MADD: variants seen among roughly 807,000 people sequenced by gnomAD.
The protein encoded by MADD is MAP kinase activating death domain, also known as MAP kinase-activating death domain protein.
A neutral mutation model predicts 176.7 loss-of-function variants in MADD; 109 were observed. The ratio of observed to expected loss-of-function variants is 0.62; its 90% CI spans 0.53 to 0.72. The LOEUF (loss-of-function observed/expected upper bound fraction) is 0.72, where lower values mean the gene tolerates loss of function less well. MADD is among the 30% of genes least tolerant of loss of function. The probability of loss-of-function intolerance (pLI) is 0.00; values close to 1 mark genes in which losing one functional copy is unlikely to be tolerated. For synonymous variants in MADD, 771 were observed against 771.3 expected, an observed-to-expected ratio of 1.00 and a Z score of 0.01; for missense variants, 1,914 against 2,045.5, an observed-to-expected ratio of 0.94 and a Z score of 1.24.
At chr11:47,317,754 A>C (rs1319803611) in intron 27 of MADD, among the ~76,000 whole-genome samples, 1 of 151,202 alleles carries the variant, frequency 6.6e-6, no homozygotes, top group South Asian at 2.1e-4. Context: ...GACACACATA[A>C]ATTTTTTATT....
At chr11:47,286,838 G>A (rs768716189) in intron 15 of MADD, among the ~76,000 whole-genome samples, 10 of 152,178 alleles carry the variant, frequency 6.6e-5, no homozygotes, top group Non-Finnish European at 1.5e-4. Context: ...GCCCCCAGTC[G>A]TCTGCTGGGT....
chr11:47,328,217 G>C (rs912074038), intron 31 of MADD: 6 of 1,069,568 alleles, frequency 5.6e-6, no homozygotes, highest in Non-Finnish European at 6.8e-6. Flanking sequence ...CCAATTTTCA[G>C]GCTGGTGACG....
chr11:47,324,681 TGG>T, intron 30 of MADD, 104 bp downstream of exon 33: 1 of 802,512 alleles, frequency 1.2e-6, no homozygotes, highest in Non-Finnish European at 2.1e-6. Flanking sequence ...GAGGGCCCTC[TGG>T]AGCTAGAGGG....
At chr11:47,273,795 G>T in intron 1 of MADD, 32 bp from the exon 2 acceptor site, 1 of 807,064 alleles carries the variant, frequency 1.2e-6, no homozygotes. Flanking sequence ...AGGCACAGCA[G>T]TGGATCTTAT....
chr11:47,300,954 T>C (rs747558894), intron 22 of MADD, among the ~76,000 whole-genome samples: 104 of 152,230 alleles, frequency 6.8e-4, no homozygotes, highest in Non-Finnish European at 9.3e-4. Flanking sequence ...TTTTTTGTTT[T>C]TCTGTGATGT....
rs572308111 is a variant in MADD, at chr11:47,296,138, C to T, written c.3642+83C>T. ...CAAGAAAAGAATGAAAGTTAAGAGA[C>T]GCTAAAGAGGTAAAGGTTAAATAAG... is the stretch of plus-strand genomic sequence containing the variant. On this transcript the variant is annotated intron_variant, in intron 22 of 32. Coordinates refer to ENST00000402192, the Ensembl canonical transcript of MADD. The T allele has an allele frequency of 9.7e-5, 143 of 1,473,984 alleles. No homozygotes were observed. The African/African-American group carries it at 1.3e-3, about 14-fold the overall frequency. The allele number at this position is 1,473,984 out of a possible 1,614,324, so 91.3% of individuals were successfully genotyped here. A position where few individuals can be genotyped will look rare whatever the true frequency, so the allele number is the denominator to read the frequency against.
chr11:47,283,697 G>A (rs1025753289), intron 10 of MADD, among the ~76,000 whole-genome samples: 19 of 152,162 alleles, frequency 1.2e-4, no homozygotes, highest in Admixed American at 9.8e-4. Context: ...CCAGCCACCC[G>A]AGTAGCTGGG....
intron 27 of MADD, among the ~76,000 whole-genome samples, chr11:47,321,415 C>T (rs1359132862): frequency 1.3e-5 from 2 of 152,292 alleles, no homozygotes; most frequent in South Asian, 4.1e-4. Flanking sequence ...GTGTTCCTTA[C>T]TCACTCACCT....
At chr11:47,283,978 G>A (rs981619124) in intron 10 of MADD, among the ~76,000 whole-genome samples, 200 bp from the exon 11 acceptor site, 2 of 152,240 alleles carry the variant, frequency 1.3e-5, no homozygotes, top group African/African-American at 4.8e-5. Flanking sequence ...AAAGTGCTTG[G>A]ATTACAGGCA....
intron 31 of MADD, chr11:47,327,727 C>T (rs540288468): frequency 1.8e-5 from 18 of 985,454 alleles, no homozygotes; most frequent in African/African-American, 7.0e-5. Flanking sequence ...AGTTTATTCC[C>T]TGCTGACCCT....
In MADD at chr11:47,296,074, C is replaced by G. The variant is rs1565422468; in HGVS notation, c.3642+19C>G. ...CATCTTTGTAAGCTTTGTTTATTAACAAAAGAAAACCATTTCTTTAATGGG... is the reference window on the plus strand; with the variant it reads ...CATCTTTGTAAGCTTTGTTTATTAAGAAAAGAAAACCATTTCTTTAATGGG... On this transcript the variant is annotated intron_variant, in intron 22 of 32. Coordinates refer to ENST00000402192, the Ensembl canonical transcript of MADD. 1 of 1,605,642 alleles carries G rather than the reference C, an allele frequency of 6.2e-7. No homozygotes were observed. Among genetic ancestry groups the G allele is most frequent in the South Asian group, 1.1e-5 (1 of 90,322 alleles).
intron 18 of MADD, 130 bp downstream of exon 19, chr11:47,290,429 A>AT: frequency 3.0e-6 from 4 of 1,334,518 alleles, no homozygotes; most frequent in Non-Finnish European, 4.1e-6. Flanking sequence ...TTGGGATTTT[A>AT]TTTTCTAATG....
At position 47,315,334 on chromosome 11, in the gene MADD, G is replaced by T. The variant is rs1192284236; in HGVS notation, c.4197+7G>T. On this transcript the variant is annotated splice_region_variant and intron_variant, in intron 27 of 32. Coordinates refer to ENST00000402192, the Ensembl canonical transcript of MADD. ...AGATATCTTTTTCATGGAGGTAGGT[G>T]CTGGTTCATGCTGGGGGCCCAAAGG... 1 of 1,559,524 alleles carries T rather than the reference G, an allele frequency of 6.4e-7. No homozygotes were observed. The highest frequency in any genetic ancestry group is 8.8e-7 in the Non-Finnish European group (1 of 1,130,784).
chr11:47,310,970 A>T (rs2088516931), intron 25 of MADD, among the ~76,000 whole-genome samples: 1 of 152,010 alleles, frequency 6.6e-6, no homozygotes, highest in Admixed American at 6.6e-5. Context: ...TATATCTTAC[A>T]GAATTTTCTA....
At chr11:47,318,690 G>T (rs1227243161) in intron 27 of MADD, among the ~76,000 whole-genome samples, 1 of 151,906 alleles carries the variant, frequency 6.6e-6, no homozygotes, top group African/African-American at 2.4e-5. Context: ...GTGCACCATG[G>T]TCACTGTGCC....
intron 8 of MADD, among the ~76,000 whole-genome samples, chr11:47,281,975 C>T (rs1164781573): frequency 2.0e-5 from 3 of 150,750 alleles, no homozygotes; most frequent in South Asian, 4.2e-4. Context: ...GCTGGGATTA[C>T]AGGCGCCTGC....
chr11:47,284,129 T>C (rs763976630), intron 10 of MADD, 49 bp from the exon 11 acceptor site: 8 of 1,259,622 alleles, frequency 6.4e-6, no homozygotes, highest in East Asian at 4.6e-5. Context: ...GTAGGTGTTC[T>C]CCCTGCCCCT....
At chr11:47,309,329 C>T in exon 24 of MADD, 3 of 1,614,146 alleles carry the variant, frequency 1.9e-6, no homozygotes, top group Middle Eastern at 3.3e-4. Context: ...TGGGAAGATG[C>T]CTTCTTAGAT....
At chr11:47,284,866 G>T (rs948775467) in intron 12 of MADD, 75 bp from the exon 13 acceptor site, 110 of 1,580,814 alleles carry the variant, frequency 7.0e-5, no homozygotes, top group East Asian at 1.1e-4. Flanking sequence ...GCCTGGTCCA[G>T]CCCTGCCAAA....
Sources: allele counts gnomAD v4.1 joint callset (sites outside exome capture counted in the v4.1 genomes callset), GRCh38; gene constraint gnomAD v4.1.1; transcripts MANE v1.5; gene names NCBI Gene and HGNC (gene_info 2026-07-23, HGNC 2026-07-21).